The following DPP10 variants were observed in gnomAD, a reference collection of about 807,000 sequenced individuals.
The protein encoded by DPP10 is inactive dipeptidyl peptidase 10.
A neutral mutation model predicts 120.9 loss-of-function variants in DPP10; 33 were observed. That is an observed-to-expected ratio of 0.27 (90% CI 0.21 to 0.37). DPP10 has a LOEUF of 0.37. Ranked by LOEUF, DPP10 falls within the 10% of genes least tolerant of loss-of-function variation. The probability of loss-of-function intolerance (pLI) is 1.00; values close to 1 mark genes in which losing one functional copy is unlikely to be tolerated. For synonymous variants in DPP10, 337 were observed against 326.1 expected (o/e 1.03, Z -0.36); for missense variants, 816 against 942.8 (o/e 0.87, Z 1.76).
At chr2:115,588,332 G>A (rs182482358) in intron 5 of DPP10, among the ~76,000 whole-genome samples, 162 of 152,118 alleles carry the variant, frequency 1.1e-3, no homozygotes, top group African/African-American at 3.8e-3. Context: ...TATTCATATA[G>A]CATATCTTTC....
intron 1 of DPP10, among the ~76,000 whole-genome samples, chr2:115,103,280 C>T (rs1243539944): frequency 2.0e-5 from 3 of 151,744 alleles, no homozygotes; most frequent in African/African-American, 7.3e-5. Flanking sequence ...CTCCCCCTCC[C>T]GGGTTCATGC....
chr2:115,623,764 A>G (rs2085152595), intron 5 of DPP10, among the ~76,000 whole-genome samples: 1 of 152,156 alleles, frequency 6.6e-6, no homozygotes, highest in African/African-American at 2.4e-5. Flanking sequence ...CAGAGCCTTT[A>G]CCGTATGAAA....
At chr2:115,185,399 TA>T (rs2054365568) in intron 1 of DPP10, among the ~76,000 whole-genome samples, 1 of 152,162 alleles carries the variant, frequency 6.6e-6, no homozygotes. Context: ...AATGTGTATT[TA>T]GAGCATTTCA....
chr2:115,439,446 C>G (rs2071817552), intron 3 of DPP10, among the ~76,000 whole-genome samples: 1 of 152,202 alleles, frequency 6.6e-6, no homozygotes, highest in South Asian at 2.1e-4. Context: ...GAACTGTACA[C>G]TTAAAAATGG....
chr2:114,720,327 T>C (rs762319487), intron 1 of DPP10, among the ~76,000 whole-genome samples: 1 of 152,146 alleles, frequency 6.6e-6, no homozygotes, highest in Non-Finnish European at 1.5e-5. Context: ...AATAACTTAT[T>C]TTCTGTAATT....
rs190444364 is a variant in DPP10, at chr2:115,241,751, T to A, written c.61-67488T>A. 2.7e-3 allele frequency among the ~76,000 whole-genome samples: 412 copies of A among 152,362 alleles called. 10 individuals are homozygous for A. Among genetic ancestry groups the A allele is most frequent in the Admixed American group, 0.025 (379 of 15,300 alleles). On this transcript the variant is annotated intron_variant, in intron 1 of 25. Transcript: ENST00000410059. ...AACACATCTTACTTTTAAATTGAACTGTATGATTTTAATTTATTCTTCATC... is the reference window on the plus strand; with the variant it reads ...AACACATCTTACTTTTAAATTGAACAGTATGATTTTAATTTATTCTTCATC...
At chr2:115,044,286 C>A (rs1185544761) in intron 1 of DPP10, among the ~76,000 whole-genome samples, 1 of 151,986 alleles carries the variant, frequency 6.6e-6, no homozygotes, top group Non-Finnish European at 1.5e-5. Context: ...AGTAAGATGC[C>A]TCACATGGCC....
chr2:115,022,620 C>G (rs972695251), intron 1 of DPP10, among the ~76,000 whole-genome samples: 2 of 151,746 alleles, frequency 1.3e-5, no homozygotes, highest in African/African-American at 4.8e-5. Flanking sequence ...AAAATACCAC[C>G]ATCGTTCTCC....
intron 1 of DPP10, among the ~76,000 whole-genome samples, chr2:114,629,670 A>C (rs1300051657): frequency 1.3e-5 from 2 of 152,194 alleles, no homozygotes; most frequent in Non-Finnish European, 1.5e-5. Flanking sequence ...TACATTGCAG[A>C]GGTGTTGCTA....
intron 1 of DPP10, among the ~76,000 whole-genome samples, chr2:114,950,596 C>A (rs950039416): frequency 6.6e-6 from 1 of 151,408 alleles, no homozygotes; most frequent in Non-Finnish European, 1.5e-5. Flanking sequence ...ATCTTGAATA[C>A]CTTTTAGATT....
intron 1 of DPP10, among the ~76,000 whole-genome samples, chr2:115,004,838 G>A (rs1221019266): frequency 1.8e-4 from 27 of 152,076 alleles, no homozygotes; most frequent in Admixed American, 6.6e-4. Context: ...CAAAGCAGCC[G>A]GGAAGCTTGA....
At chr2:115,105,453 GA>G (rs762190609) in intron 1 of DPP10, among the ~76,000 whole-genome samples, 82 of 141,324 alleles carry the variant, frequency 5.8e-4, no homozygotes, top group African/African-American at 2.1e-3. Context: ...GAGAGAGAGA[GA>G]GAGGAGAAGC....
intron 1 of DPP10, among the ~76,000 whole-genome samples, chr2:114,928,032 T>TG (rs1695769041): frequency 6.6e-6 from 1 of 152,200 alleles, no homozygotes; most frequent in Non-Finnish European, 1.5e-5. Flanking sequence ...TCCACCTCCA[T>TG]GACCCAAACA....
At chr2:114,872,999 C>A (rs140354739) in intron 1 of DPP10, among the ~76,000 whole-genome samples, 1 of 152,158 alleles carries the variant, frequency 6.6e-6, no homozygotes, top group Non-Finnish European at 1.5e-5. Context: ...ACATGGAAAC[C>A]AAGCACCCTG....
At chr2:114,968,203 T>G (rs911520281) in intron 1 of DPP10, among the ~76,000 whole-genome samples, 18 of 152,242 alleles carry the variant, frequency 1.2e-4, no homozygotes, top group Non-Finnish European at 1.9e-4. Context: ...AATATCTTCA[T>G]GTCTTAGCCT....
chr2:115,673,985 G>T (rs894914442), intron 5 of DPP10, among the ~76,000 whole-genome samples: 6 of 152,210 alleles, frequency 3.9e-5, no homozygotes, highest in African/African-American at 1.4e-4. Context: ...ACCAAGGCGG[G>T]TGGATCACCT....
intron 1 of DPP10, among the ~76,000 whole-genome samples, chr2:114,542,011 A>AAT (rs1686990246): frequency 6.6e-6 from 1 of 151,206 alleles, no homozygotes; most frequent in Non-Finnish European, 1.5e-5. Flanking sequence ...TTTCTGCTTG[A>AAT]ATATATATAC....
At chr2:115,814,450 G>T (rs1237496866) in intron 19 of DPP10, among the ~76,000 whole-genome samples, 1 of 152,090 alleles carries the variant, frequency 6.6e-6, no homozygotes, top group Non-Finnish European at 1.5e-5. Flanking sequence ...AGATAGACTT[G>T]TCTACCAACT....
rs544836843 is a variant in DPP10, at chr2:114,726,860, A to G, written c.60+284022A>G. ...TGCTCAAAGATCAAAGTATGATTAGAATTTTTAATATTAAGCTCTGGGAAT... is the reference window on the plus strand; with the variant it reads ...TGCTCAAAGATCAAAGTATGATTAGGATTTTTAATATTAAGCTCTGGGAAT... On this transcript the variant is annotated intron_variant, in intron 1 of 25. Coordinates refer to ENST00000410059, the MANE Select transcript of DPP10 (RefSeq NM_020868.6). 2.0e-5 allele frequency among the ~76,000 whole-genome samples: 3 copies of G among 152,346 alleles called. No individual in the cohort carries two copies. In the East Asian group the frequency reaches 5.8e-4, roughly 29 times the overall value.
Sources: allele counts gnomAD v4.1 joint callset (sites outside exome capture counted in the v4.1 genomes callset), GRCh38; gene constraint gnomAD v4.1.1; transcripts MANE v1.5; gene names NCBI Gene and HGNC (gene_info 2026-07-23, HGNC 2026-07-21).